The following DNAJB1 variants were observed in gnomAD, a reference collection of about 807,000 sequenced individuals.
The protein encoded by DNAJB1 is dnaJ homolog subfamily B member 1.
A neutral mutation model predicts 24.0 loss-of-function variants in DNAJB1; 14 were observed. That is an observed-to-expected ratio of 0.58 (90% CI 0.39 to 0.91). DNAJB1 has a LOEUF of 0.91. Ranked by LOEUF, DNAJB1 falls within the 40% of genes least tolerant of loss-of-function variation. The pLI, the probability that DNAJB1 is intolerant of heterozygous loss-of-function variation, is 0.00. For missense variants in DNAJB1, 517 were observed against 458.1 expected, an observed-to-expected ratio of 1.13 and a Z score of -1.17; for synonymous variants, 262 against 174.4, an observed-to-expected ratio of 1.50 and a Z score of -3.96.
chr19:14,542,260 C>T (rs73002849), intron 1 of DNAJB1, among the ~76,000 whole-genome samples: 43,675 of 151,168 alleles, frequency 0.29, 7,613 homozygotes, highest in Non-Finnish European at 0.4. Context: ...ACACCATGCC[C>T]GACCACATTC....
At chr19:14,553,331 A>C (rs1214305331), upstream of DNAJB1, among the ~76,000 whole-genome samples, 1 of 152,148 alleles carries the variant, frequency 6.6e-6, no homozygotes, top group Non-Finnish European at 1.5e-5. Context: ...TCGTCTTGCC[A>C]GCACAGGTAG....
chr19:14,535,523 A>T (rs2072835523), intron 1 of DNAJB1, among the ~76,000 whole-genome samples: 1 of 58,026 alleles, frequency 1.7e-5, no homozygotes, highest in African/African-American at 8.8e-5. Context: ...AAAAAAAAAA[A>T]AAAAAAAAAA....
intron 1 of DNAJB1, chr19:14,545,269 T>G: frequency 2.2e-6 from 1 of 452,818 alleles, no homozygotes; most frequent in Non-Finnish European, 4.4e-6. Flanking sequence ...CCTCCGGGTG[T>G]CACCCGCTTC....
chr19:14,546,790 A>T (rs1477812051), intron 1 of DNAJB1, among the ~76,000 whole-genome samples: 1 of 152,072 alleles, frequency 6.6e-6, no homozygotes, highest in Non-Finnish European at 1.5e-5. Flanking sequence ...GGCGGGTTCA[A>T]GCCATTCTCC....
At chr19:14,533,408 G>C (rs1174323483), upstream of DNAJB1, among the ~76,000 whole-genome samples, 1 of 151,810 alleles carries the variant, frequency 6.6e-6, no homozygotes, top group Non-Finnish European at 1.5e-5. Flanking sequence ...TGACAAGAAC[G>C]AGACTCTGTC....
upstream of DNAJB1, chr19:14,530,704 T>C (rs1246590677): frequency 1.3e-5 from 2 of 152,222 alleles, no homozygotes; most frequent in African/African-American, 4.8e-5. Context: ...TATGCCATGC[T>C]GGTCCTCAAA....
At chr19:14,533,897 TA>T (rs1164604326), upstream of DNAJB1, 2 of 152,136 alleles carry the variant, frequency 1.3e-5, no homozygotes, top group Admixed American at 6.6e-5. Flanking sequence ...TTTTTTAATG[TA>T]TTTTTTTATT....
At chr19:14,523,284 G>C (rs2072383031), upstream of DNAJB1, among the ~76,000 whole-genome samples, 1 of 152,002 alleles carries the variant, frequency 6.6e-6, no homozygotes, top group Admixed American at 6.6e-5. Flanking sequence ...AAATGAACAG[G>C]AAGTGAACAG....
intron 2 of DNAJB1, 123 bp from the exon 3 acceptor site, chr19:14,516,293 C>G: frequency 7.7e-7 from 1 of 1,290,388 alleles, no homozygotes; most frequent in East Asian, 2.5e-5. Context: ...GCCCCCAAAT[C>G]TACACGTCCC....
At chr19:14,518,462 C>A (rs1462098648), upstream of DNAJB1, 17 of 844,400 alleles carry the variant, frequency 2.0e-5, no homozygotes, top group East Asian at 2.0e-4. Flanking sequence ...CGCCAGCCCC[C>A]TCCAGAACCT....
At position 14,518,269 on chromosome 19, in the gene DNAJB1, C is replaced by T. The variant is rs778380470; in HGVS notation, c.81G>A (p.Gln27=). ...DEEIKRAYRR[Q]ALRYHPDKNK... is the part of the protein sequence containing the mutation. ...TCTTGTCCGGGTGGTAGCGCAGCGC[C>T]TGGCGGCGGTAGGCCCGCTTGATCT... The change falls in exon 1 of 3, where the codon CAG becomes CAA. Residue 27 remains glutamine (Q), a synonymous_variant. Coordinates refer to ENST00000254322, the MANE Select transcript of DNAJB1 (RefSeq NM_006145.3). 1 of 1,610,034 alleles carries T rather than the reference C, an allele frequency of 6.2e-7. No homozygotes were observed. The highest frequency in any genetic ancestry group is 8.5e-7 in the Non-Finnish European group (1 of 1,178,832).
At chr19:14,540,572 A>G (rs1361698065) in intron 1 of DNAJB1, among the ~76,000 whole-genome samples, 1 of 151,518 alleles carries the variant, frequency 6.6e-6, no homozygotes, top group Non-Finnish European at 1.5e-5. Flanking sequence ...TTGTATTTTT[A>G]GTACAGACAG....
intron 2 of DNAJB1, among the ~76,000 whole-genome samples, chr19:14,524,455 C>T (rs1433061824): frequency 2.0e-5 from 3 of 151,932 alleles, no homozygotes; most frequent in Admixed American, 6.6e-5. Flanking sequence ...CTCAGGAATT[C>T]CAAGCTGCAG....
At chr19:14,529,975 T>C, upstream of DNAJB1, 3 of 563,114 alleles carry the variant, frequency 5.3e-6, no homozygotes, top group South Asian at 2.0e-5. Flanking sequence ...CGCTTGCAGG[T>C]TCCTTGCAGC....
At chr19:14,546,511 C>T (rs570889716) in intron 1 of DNAJB1, among the ~76,000 whole-genome samples, 40 of 152,182 alleles carry the variant, frequency 2.6e-4, no homozygotes, top group Admixed American at 1.2e-3. Flanking sequence ...TGCTTGAACC[C>T]GGGAGGCAGA....
Position 14,518,295 on chromosome 19 carries a change from C to T in DNAJB1, c.55G>A (p.Glu19Lys), listed in dbSNP as rs1450723645. The part of the protein sequence containing the change: ...LGLARGASDE[E>K]IKRAYRRQAL... The stretch of plus-strand genomic sequence containing the variant: ...TGGCGGCGGTAGGCCCGCTTGATCT[C>T]CTCGTCCGACGCGCCGCGGGCCAGG... The change falls in exon 1 of 3, where the codon GAG becomes AAG. Residue 19 changes from glutamate to lysine, a missense_variant. By Grantham distance (56) the Glu-to-Lys change is moderately conservative. Transcript: ENST00000254322. The T allele has an allele frequency of 1.2e-6, 2 of 1,609,000 alleles. No homozygotes were observed. Among genetic ancestry groups the T allele is most frequent in the Admixed American group, 1.7e-5 (1 of 59,582 alleles).
At chr19:14,523,152 G>A (rs1024830063), upstream of DNAJB1, among the ~76,000 whole-genome samples, 1 of 152,048 alleles carries the variant, frequency 6.6e-6, no homozygotes, top group African/African-American at 2.4e-5. Flanking sequence ...GTTGCAGTGA[G>A]CCAAGATCAC....
intron 1 of DNAJB1, chr19:14,545,146 C>G (rs1340953542): frequency 2.0e-5 from 9 of 456,628 alleles, no homozygotes; most frequent in Non-Finnish European, 3.5e-5. Context: ...ACCAAAGCAG[C>G]CTGTGGCATT....
intron 1 of DNAJB1, among the ~76,000 whole-genome samples, chr19:14,545,515 G>T (rs559189970): frequency 7.9e-5 from 12 of 152,238 alleles, no homozygotes; most frequent in Admixed American, 4.6e-4. Context: ...AGGGGGTGGG[G>T]GGGATAGCCT....
Sources: gnomAD v4.1 joint callset for allele counts (sites outside exome capture counted in the v4.1 genomes callset) on GRCh38, gnomAD v4.1.1 for gene constraint, MANE v1.5 for transcripts, NCBI Gene and HGNC (gene_info 2026-07-23, HGNC 2026-07-21) for gene names.